Variants in ATP5MC1 observed in about 807,000 individuals in gnomAD.
ATP5MC1 encodes the protein ATP synthase F(0) complex subunit C1, mitochondrial.
ATP5MC1 carries 4 observed loss-of-function variants against 12.1 expected under a neutral mutation model. The observed-to-expected ratio is 0.33, with a 90% CI of 0.16 to 0.76. The LOEUF is 0.76. Among genes scored for constraint, ATP5MC1 ranks in the 30% least tolerant of loss-of-function variants. The pLI is 0.61. For synonymous variants in ATP5MC1, 52 were observed against 66.0 expected (o/e 0.79, Z 1.03); for missense variants, 117 against 172.1 (o/e 0.68, Z 1.79).
chr17:48,895,035 C>G, intron 3 of ATP5MC1, 121 bp from the exon 4 acceptor site: 1 of 1,122,538 alleles, frequency 8.9e-7, no homozygotes, highest in Non-Finnish European at 1.3e-6. Context: ...TCTGCATTTA[C>G]CAGGCAGTTT....
chr17:48,893,060 G>C (rs1418356761), intron 1 of ATP5MC1, 150 bp downstream of exon 1: 1 of 318,754 alleles, frequency 3.1e-6, no homozygotes, highest in Non-Finnish European at 5.8e-6. Context: ...ACGATTGACT[G>C]CCTCGGCTGG....
At chr17:48,895,608 T>A in intron 4 of ATP5MC1, 47 bp from the exon 5 acceptor site, 1 of 1,498,906 alleles carries the variant, frequency 6.7e-7, no homozygotes, top group Non-Finnish European at 9.3e-7. Flanking sequence ...TCCCCTCCCC[T>A]CACCCCTTCC....
In ATP5MC1 at chr17:48,893,452, C is replaced by CTCTG; in HGVS notation, c.36_39dup (p.Ile14SerfsTer20). The CTCTG allele has an allele frequency of 6.2e-7, 1 of 1,614,018 alleles. No individual in the cohort carries two copies. Among genetic ancestry groups the CTCTG allele is most frequent in the Non-Finnish European group, 8.5e-7 (1 of 1,180,026 alleles). On this transcript the variant is annotated frameshift_variant, in exon 2 of 5. Transcript: ENST00000393366. LOFTEE classifies it high-confidence loss of function. ...GCCGGGGCATTATTCATTTCTCCAG[C>CTCTG]TCTGGTAAGGTGCCGCGCCGCAGTG... is the stretch of plus-strand genomic sequence containing the variant.
chr17:48,893,344 G>T (rs1022425271), intron 1 of ATP5MC1, 65 bp from the exon 2 acceptor site: 1 of 1,564,468 alleles, frequency 6.4e-7, no homozygotes, highest in African/African-American at 1.4e-5. Flanking sequence ...ACCAAAGGTC[G>T]TCATTATAAG....
rs1382744634 is a variant in ATP5MC1 at position 48,894,431 on chromosome 17, A to G, written c.99A>G (p.Pro33=). 1.3e-5 allele frequency: 21 copies of G among 1,613,248 alleles called. No homozygotes were observed. The Admixed American group carries it at 1.3e-4, about 10-fold the overall frequency. Residue 33 remains proline, a synonymous_variant, in exon 3 of 5, where the codon CCA becomes CCG. Transcript: ENST00000393366. ...RPVSASFLNS[P]VNSSKQPSYS... ...TGTCTGCCTCCTTCTTGAATAGCCCAGTGAATTCATCTAAACAGGTAAGGG... is the reference window on the plus strand; with the variant it reads ...TGTCTGCCTCCTTCTTGAATAGCCCGGTGAATTCATCTAAACAGGTAAGGG...
Position 48,895,232 on chromosome 17 carries a change from C to T in ATP5MC1, c.194C>T (p.Thr65Ile), listed in dbSNP as rs765764474. Reference sequence around the variant, plus strand: ...AGTGTTGTCTCCCGGGACATTGACACAGCAGCCAAGTTTATTGGTGCTGGG... The same window carrying T: ...AGTGTTGTCTCCCGGGACATTGACATAGCAGCCAAGTTTATTGGTGCTGGG... ...QTSVVSRDID[T>I]AAKFIGAGAA... Residue 65 changes from threonine (T) to isoleucine (I), a missense_variant, in exon 4 of 5, where the codon ACA becomes ATA. Physicochemically the swap from Thr to Ile is moderately conservative, Grantham distance 89. Transcript: ENST00000393366. 6.2e-7 allele frequency: 1 copy of T among 1,612,692 alleles called. No individual in the cohort carries two copies. Among genetic ancestry groups the T allele is most frequent in the Non-Finnish European group, 8.5e-7 (1 of 1,178,770 alleles).
chr17:48,895,853 AAC>A lies in ATP5MC1; in HGVS notation c.*88_*89del. ...TGGGGTGTGTTAAGCTTTACCATTA[AAC>A]ACAACGTTTCTCTAAACCCCTGTCT... On this transcript the variant is annotated 3_prime_UTR_variant, in exon 5 of 5. Transcript: ENST00000393366. 6 of 1,321,344 alleles carry A rather than the reference AAC, an allele frequency of 4.5e-6. No homozygotes were observed. Among genetic ancestry groups the A allele is most frequent in the Non-Finnish European group, 6.5e-6 (6 of 924,070 alleles). The allele number at this position is 1,321,344 out of a possible 1,614,324, so 81.9% of individuals were successfully genotyped here. A position where few individuals can be genotyped will look rare whatever the true frequency, so the allele number is the denominator to read the frequency against.
chr17:48,895,385 G>C, intron 4 of ATP5MC1, 51 bp downstream of exon 4: 1 of 1,538,758 alleles, frequency 6.5e-7, no homozygotes, highest in Non-Finnish European at 8.8e-7. Flanking sequence ...CACCCCGTTT[G>C]GGGAAGCCTC....
intron 2 of ATP5MC1, 124 bp downstream of exon 2, chr17:48,893,580 G>C (rs2040548622): frequency 8.8e-7 from 1 of 1,135,122 alleles, no homozygotes; most frequent in Non-Finnish European, 1.3e-6. Context: ...GGTGGCTGTA[G>C]GATGTGATGA....
chr17:48,895,231 A>G lies in ATP5MC1; in HGVS notation c.193A>G (p.Thr65Ala), dbSNP rs1567772416. The change falls in exon 4 of 5, where the codon ACA becomes GCA. Residue 65 changes from threonine to alanine, a missense_variant. Physicochemically the swap from Thr to Ala is moderately conservative, Grantham distance 58. Transcript: ENST00000393366. ...QTSVVSRDID[T>A]AAKFIGAGAA... is the part of the protein sequence containing the mutation. Reference sequence around the variant, plus strand: ...CAGTGTTGTCTCCCGGGACATTGACACAGCAGCCAAGTTTATTGGTGCTGG... The same window carrying G: ...CAGTGTTGTCTCCCGGGACATTGACGCAGCAGCCAAGTTTATTGGTGCTGG... 6.2e-7 allele frequency: 1 copy of G among 1,612,376 alleles called. No individual in the cohort carries two copies. The highest frequency in any genetic ancestry group is 8.5e-7 in the Non-Finnish European group (1 of 1,178,582).
At chr17:48,893,072 G>A in intron 1 of ATP5MC1, 162 bp downstream of exon 1, 1 of 335,510 alleles carries the variant, frequency 3.0e-6, no homozygotes, top group Non-Finnish European at 5.5e-6. Flanking sequence ...CTCGGCTGGG[G>A]CGGGTCGGGG....
chr17:48,895,153 T>C lies in ATP5MC1; in HGVS notation c.118-3T>C, dbSNP rs111648909. The C allele has an allele frequency of 2.5e-6, 4 of 1,599,636 alleles. No homozygotes were observed. The highest frequency in any genetic ancestry group is 3.4e-6 in the Non-Finnish European group (4 of 1,168,608). On this transcript the variant is annotated splice_region_variant and splice_polypyrimidine_tract_variant and intron_variant, in intron 3 of 4. Coordinates refer to ENST00000393366, the MANE Select transcript of ATP5MC1 (RefSeq NM_005175.3). ...ATCTCGCCTGCCTTGCTTCTCTTTC[T>C]AGCCTTCCTACAGCAACTTCCCACT...
In ATP5MC1 at chr17:48,895,679, C is replaced by T; in HGVS notation, c.321C>T (p.Leu107=). ...YARNPSLKQQ[L]FSYAILGFAL... is the part of the protein sequence containing the mutation. Reference sequence around the variant, plus strand: ...GGAACCCGTCTCTCAAGCAGCAGCTCTTCTCCTATGCCATTCTTGGCTTTG... The same window carrying T: ...GGAACCCGTCTCTCAAGCAGCAGCTTTTCTCCTATGCCATTCTTGGCTTTG... The change falls in exon 5 of 5, where the codon CTC becomes CTT. Residue 107 remains leucine, a synonymous_variant. Coordinates refer to ENST00000393366, the MANE Select transcript of ATP5MC1 (RefSeq NM_005175.3). 1 of 1,614,006 alleles carries T rather than the reference C, an allele frequency of 6.2e-7. No homozygotes were observed. The highest frequency in any genetic ancestry group is 8.5e-7 in the Non-Finnish European group (1 of 1,179,936).
At position 48,894,442 on chromosome 17, in the gene ATP5MC1, C is replaced by T; in HGVS notation, c.110C>T (p.Ser37Phe). 1 of 1,612,992 alleles carries T rather than the reference C, an allele frequency of 6.2e-7. No individual in the cohort carries two copies. The change falls in exon 3 of 5, where the codon TCT (serine) becomes TTT (phenylalanine). Residue 37 changes from serine (S) to phenylalanine (F), a missense_variant. Physicochemically the swap from Ser to Phe is radical, Grantham distance 155. Coordinates refer to ENST00000393366, the MANE Select transcript of ATP5MC1 (RefSeq NM_005175.3). Reference protein sequence around the residue: ...ASFLNSPVNSSKQPSYSNFPL... With the variant: ...ASFLNSPVNSFKQPSYSNFPL... The stretch of plus-strand genomic sequence containing the variant: ...TTCTTGAATAGCCCAGTGAATTCAT[C>T]TAAACAGGTAAGGGAGGAATAGCTC...
intron 3 of ATP5MC1, 24 bp from the exon 4 acceptor site, chr17:48,895,132 C>A: frequency 6.3e-7 from 1 of 1,589,872 alleles, no homozygotes; most frequent in South Asian, 1.1e-5. Context: ...TCTGCTATCT[C>A]GCCTGCCTTG....
At chr17:48,893,055 T>C (rs1166547467) in intron 1 of ATP5MC1, 145 bp downstream of exon 1, 2 of 310,722 alleles carry the variant, frequency 6.4e-6, no homozygotes, top group East Asian at 1.3e-4. Flanking sequence ...AATGAACGAT[T>C]GACTGCCTCG....
At chr17:48,895,392 C>T (rs2040563689) in intron 4 of ATP5MC1, 58 bp downstream of exon 4, 2 of 1,533,754 alleles carry the variant, frequency 1.3e-6, no homozygotes, top group East Asian at 2.3e-5. Context: ...TTTGGGGAAG[C>T]CTCAGCTGGA....
chr17:48,892,955 G>C (rs55941919), intron 1 of ATP5MC1, 45 bp downstream of exon 1: 36,737 of 166,090 alleles, frequency 0.22, 4,976 homozygotes, highest in African/African-American at 0.39. Flanking sequence ...TTGTGGGCTG[G>C]GCAGTGTGGA....
In ATP5MC1 at chr17:48,895,799, C is replaced by G; in HGVS notation, c.*30C>G. 1 of 1,563,958 alleles carries G rather than the reference C, an allele frequency of 6.4e-7. No homozygotes were observed. The highest frequency in any genetic ancestry group is 8.8e-7 in the Non-Finnish European group (1 of 1,136,482). On this transcript the variant is annotated 3_prime_UTR_variant, in exon 5 of 5. Transcript: ENST00000393366. The stretch of plus-strand genomic sequence containing the variant: ...CCATGGGGGGGTCACCGGCCTGTTG[C>G]TACTGCAACTCCACACCATTCTTGG...
Sources: allele counts gnomAD v4.1 joint callset, GRCh38; gene constraint gnomAD v4.1.1; transcripts MANE v1.5; gene names NCBI Gene and HGNC (gene_info 2026-07-23, HGNC 2026-07-21).